Variants in MGLL observed in about 807,000 individuals in gnomAD.
MGLL encodes the protein lysophospholipase homolog.
A neutral mutation model predicts 29.1 loss-of-function variants in MGLL; 7 were observed. The ratio of observed to expected loss-of-function variants is 0.24; its 90% CI spans 0.14 to 0.45. MGLL has a LOEUF of 0.45. Among genes scored for constraint, MGLL ranks in the 20% least tolerant of loss-of-function variants. MGLL has a pLI of 0.99. For missense variants in MGLL, 356 were observed against 413.6 expected (o/e 0.86, Z 1.21); for synonymous variants, 148 against 168.3 (o/e 0.88, Z 0.93).
rs1047040722 is a variant in MGLL at position 127,690,590 on chromosome 3, C to A, written c.*1608G>T. 6.5e-6 allele frequency: 1 copy of A among 152,788 alleles called. No homozygotes were observed. Among genetic ancestry groups the A allele is most frequent in the Non-Finnish European group, 1.5e-5 (1 of 68,112 alleles). 9.5% of individuals were successfully genotyped at this position (152,788 alleles called of 1,614,324 possible). ...GCGGGAGCCCCTGAGGCCTAGACTTCATGTTGGGGGTCCTGGTGGGAAGTG... is the reference window on the plus strand; with the variant it reads ...GCGGGAGCCCCTGAGGCCTAGACTTAATGTTGGGGGTCCTGGTGGGAAGTG... On this transcript the variant is annotated 3_prime_UTR_variant, in exon 8 of 8. Transcript: ENST00000265052.
chr3:127,759,884 T>C (rs2076732069), intron 3 of MGLL, among the ~76,000 whole-genome samples: 1 of 152,226 alleles, frequency 6.6e-6, no homozygotes, highest in South Asian at 2.1e-4. Context: ...GTGGCGTCTG[T>C]ACAATAACTG....
chr3:127,779,726 T>C (rs1250780218), intron 3 of MGLL, among the ~76,000 whole-genome samples: 2 of 152,192 alleles, frequency 1.3e-5, no homozygotes, highest in Admixed American at 1.3e-4. Context: ...CATTCACTCC[T>C]TTCCCTCCCC....
chr3:127,745,184 C>A (rs1576538872), intron 3 of MGLL, among the ~76,000 whole-genome samples: 1 of 152,182 alleles, frequency 6.6e-6, no homozygotes, highest in Non-Finnish European at 1.5e-5. Flanking sequence ...GAGTGGATTG[C>A]TGAAAGGGTT....
intron 3 of MGLL, among the ~76,000 whole-genome samples, chr3:127,739,149 G>A (rs1232881788): frequency 6.6e-6 from 1 of 152,182 alleles, no homozygotes; most frequent in East Asian, 1.9e-4. Flanking sequence ...ATCCCGAAAA[G>A]CCTCAAGTGG....
intron 2 of MGLL, among the ~76,000 whole-genome samples, chr3:127,791,443 G>T (rs2077299029): frequency 6.6e-6 from 1 of 152,190 alleles, no homozygotes. Flanking sequence ...ATTCTACATG[G>T]TTGCAGTTGA....
chr3:127,741,264 C>A (rs907160789), intron 3 of MGLL, among the ~76,000 whole-genome samples: 1 of 152,244 alleles, frequency 6.6e-6, no homozygotes, highest in Non-Finnish European at 1.5e-5. Flanking sequence ...TGGAAACATA[C>A]AACATGGTGT....
chr3:127,806,871 A>G (rs1196492630), intron 2 of MGLL, among the ~76,000 whole-genome samples: 1 of 152,232 alleles, frequency 6.6e-6, no homozygotes, highest in African/African-American at 2.4e-5. Context: ...TACTAAAAAT[A>G]CAAAAATTAG....
At chr3:127,712,349 C>T (rs531497252) in intron 5 of MGLL, 1 of 152,420 alleles carries the variant, frequency 6.6e-6, no homozygotes, top group South Asian at 2.1e-4. Flanking sequence ...TAGGCCCGCA[C>T]AAGTGTGGCG....
chr3:127,707,363 A>G (rs1049198197), intron 6 of MGLL, among the ~76,000 whole-genome samples: 11 of 152,254 alleles, frequency 7.2e-5, no homozygotes, highest in Non-Finnish European at 1.6e-4. Context: ...CTCCTCCCAC[A>G]GCGTCCTTGG....
chr3:127,695,876 TTC>T (rs1311268134), intron 6 of MGLL, among the ~76,000 whole-genome samples: 3 of 152,260 alleles, frequency 2.0e-5, no homozygotes, highest in Non-Finnish European at 4.4e-5. Context: ...TTGATTTTTG[TTC>T]TCTGTCTCTG....
chr3:127,731,483 T>C (rs1469201411), intron 3 of MGLL, among the ~76,000 whole-genome samples: 1 of 152,122 alleles, frequency 6.6e-6, no homozygotes, highest in African/African-American at 2.4e-5. Flanking sequence ...TCTCAGGCCT[T>C]GCTGATCCTG....
rs139321243 is a variant in MGLL at position 127,776,694 on chromosome 3, C to G, written c.262+5095G>C. On this transcript the variant is annotated intron_variant, in intron 3 of 7. Coordinates refer to ENST00000265052, the MANE Select transcript of MGLL (RefSeq NM_007283.7). Reference sequence around the variant, plus strand: ...AGGTCCAGTGGCCACACTGCTGGACCCTCTGCTCATTGAGGGGACCCGGCA... The same window carrying G: ...AGGTCCAGTGGCCACACTGCTGGACGCTCTGCTCATTGAGGGGACCCGGCA... Among the ~76,000 whole-genome samples the G allele has an allele frequency of 5.2e-3, 796 of 152,348 alleles. 3 individuals are homozygous for G. Among genetic ancestry groups the G allele is most frequent in the Non-Finnish European group, 7.5e-3 (509 of 68,032 alleles).
chr3:127,742,673 C>T (rs2076366477), intron 3 of MGLL, among the ~76,000 whole-genome samples: 2 of 151,298 alleles, frequency 1.3e-5, no homozygotes, highest in African/African-American at 2.4e-5. Flanking sequence ...TGTTTCTCCT[C>T]GCTTCTTTTC....
At position 127,689,516 on chromosome 3, in the gene MGLL, T is replaced by C. The variant is rs2075207425; in HGVS notation, c.*2682A>G. The C allele has an allele frequency of 6.6e-6, 1 of 152,358 alleles. No individual in the cohort carries two copies. Among genetic ancestry groups the C allele is most frequent in the Non-Finnish European group, 1.5e-5 (1 of 68,120 alleles). The allele number at this position is 152,358 out of a possible 1,614,324, so 9.4% of individuals were successfully genotyped here. A position where few individuals can be genotyped will look rare whatever the true frequency, so the allele number is the denominator to read the frequency against. Reference sequence around the variant, plus strand: ...TTTTCAGGCATGAAACCCATTTCTGTATGGACTGGGCTGTGTTGACGGTGG... The same window carrying C: ...TTTTCAGGCATGAAACCCATTTCTGCATGGACTGGGCTGTGTTGACGGTGG... On this transcript the variant is annotated 3_prime_UTR_variant, in exon 8 of 8. Coordinates refer to ENST00000265052, the MANE Select transcript of MGLL (RefSeq NM_007283.7).
chr3:127,715,861 G>A (rs1644565570), intron 5 of MGLL: 1 of 454,896 alleles, frequency 2.2e-6, no homozygotes, highest in Admixed American at 2.4e-5. Context: ...ACCCAAAAAG[G>A]ACGTGGAATC....
chr3:127,741,254 T>A (rs966276735), intron 3 of MGLL, among the ~76,000 whole-genome samples: 2 of 152,178 alleles, frequency 1.3e-5, no homozygotes, highest in African/African-American at 4.8e-5. Context: ...TGAATGAGAA[T>A]GGAAACATAC....
intron 6 of MGLL, among the ~76,000 whole-genome samples, chr3:127,708,403 G>A (rs1187712796): frequency 1.3e-5 from 2 of 152,234 alleles, no homozygotes; most frequent in Non-Finnish European, 2.9e-5. Flanking sequence ...CCCGAGGCAG[G>A]AGGGCTCGGA....
At chr3:127,705,379 AAAATT>A (rs1211372748) in intron 6 of MGLL, among the ~76,000 whole-genome samples, 4 of 152,054 alleles carry the variant, frequency 2.6e-5, no homozygotes, top group African/African-American at 9.7e-5. Context: ...CCTGGAACTT[AAAATT>A]AAATTAAACT....
intron 2 of MGLL, among the ~76,000 whole-genome samples, chr3:127,795,185 T>G (rs768217380): frequency 3.9e-5 from 6 of 152,370 alleles, no homozygotes; most frequent in African/African-American, 1.2e-4. Flanking sequence ...AATGGAATAC[T>G]ATGCAGCCAT....
Sources: allele counts gnomAD v4.1 joint callset (sites outside exome capture counted in the v4.1 genomes callset), GRCh38; gene constraint gnomAD v4.1.1; transcripts MANE v1.5; gene names NCBI Gene and HGNC (gene_info 2026-07-23, HGNC 2026-07-21).